DGKB: variants seen among roughly 807,000 people sequenced by gnomAD.
DGKB encodes diacylglycerol kinase beta.
Under a neutral mutation model 114.3 loss-of-function variants are expected in DGKB, and 67 were observed. The ratio of observed to expected loss-of-function variants is 0.59; its 90% CI spans 0.48 to 0.72. The LOEUF is 0.72. Among genes scored for constraint, DGKB ranks in the 30% least tolerant of loss-of-function variants. The pLI, the probability that DGKB is intolerant of heterozygous loss-of-function variation, is 0.00. For synonymous variants in DGKB, 398 were observed against 323.1 expected, an observed-to-expected ratio of 1.23 and a Z score of -2.49; for missense variants, 907 against 975.2, an observed-to-expected ratio of 0.93 and a Z score of 0.93.
In DGKB at chr7:14,245,167, TACACACAC is replaced by T. The variant is rs111929500; in HGVS notation, c.2123-67024_2123-67017del. Among the ~76,000 whole-genome samples, 83 of 149,320 alleles carry T rather than the reference TACACACAC, an allele frequency of 5.6e-4. 1 individual carries two copies. The highest frequency in any genetic ancestry group is 2.0e-3 in the African/African-American group (81 of 40,946). ...TTAGGGAAATGTGCATATGTACACATACACACACACACACACACGCACAAAACACACAC... is the reference window on the plus strand; with the variant it reads ...TTAGGGAAATGTGCATATGTACACATACACACACACGCACAAAACACACAC... On this transcript the variant is annotated intron_variant, in intron 23 of 25. Coordinates refer to ENST00000402815, the MANE Select transcript of DGKB (RefSeq NM_001350709.2).
At chr7:14,680,247 T>G (rs1357861) in intron 12 of DGKB, among the ~76,000 whole-genome samples, 75,795 of 151,636 alleles carry the variant, frequency 0.5, 19,345 homozygotes, top group East Asian at 0.82. Flanking sequence ...AATTTTGAAC[T>G]TGGGGATTTA....
chr7:14,752,089 G>A (rs533656767), intron 4 of DGKB, among the ~76,000 whole-genome samples: 1 of 152,046 alleles, frequency 6.6e-6, no homozygotes, highest in Non-Finnish European at 1.5e-5. Flanking sequence ...TCCAAGATCC[G>A]TTAAGATGAA....
intron 20 of DGKB, among the ~76,000 whole-genome samples, chr7:14,480,874 T>A (rs1182008686): frequency 6.6e-6 from 1 of 152,120 alleles, no homozygotes; most frequent in Non-Finnish European, 1.5e-5. Flanking sequence ...CATATTTTCA[T>A]ACATCTTATA....
chr7:14,973,993 A>C (rs1447262937), intron 1 of DGKB, among the ~76,000 whole-genome samples: 2 of 151,336 alleles, frequency 1.3e-5, no homozygotes, highest in Non-Finnish European at 3.0e-5. Context: ...AAGTGTTATC[A>C]GGAAGGAATT....
intron 23 of DGKB, among the ~76,000 whole-genome samples, chr7:14,285,491 G>T (rs913564327): frequency 2.0e-5 from 3 of 152,098 alleles, no homozygotes; most frequent in African/African-American, 7.2e-5. Context: ...AGACAAAAAA[G>T]CCTAAAATTA....
intron 2 of DGKB, among the ~76,000 whole-genome samples, chr7:14,815,780 AAG>A (rs528162605): frequency 3.6e-4 from 55 of 152,234 alleles, no homozygotes; most frequent in African/African-American, 1.2e-3. Flanking sequence ...GCAGCACAAA[AAG>A]AGGTCATGAG....
At position 14,826,546 on chromosome 7, in the gene DGKB, T is replaced by C. The variant is rs769575972; in HGVS notation, c.70+14648A>G. Among the ~76,000 whole-genome samples the C allele has an allele frequency of 3.9e-5, 6 of 152,222 alleles. No individual in the cohort carries two copies. In the South Asian group the frequency reaches 6.2e-4, roughly 16 times the overall value. On this transcript the variant is annotated intron_variant, in intron 2 of 25. Transcript: ENST00000402815. ...GCTAGTTTGTAGTTTGTTTTTATTA[T>C]AATGATCACCTAAAAGATAATATAT...
At chr7:14,201,268 A>G (rs1785828057) in intron 23 of DGKB, among the ~76,000 whole-genome samples, 1 of 151,026 alleles carries the variant, frequency 6.6e-6, no homozygotes, top group African/African-American at 2.5e-5. Context: ...CCACCCTCAT[A>G]ACTTAATCAA....
intron 20 of DGKB, among the ~76,000 whole-genome samples, chr7:14,554,196 G>A (rs1795545898): frequency 6.6e-6 from 1 of 151,974 alleles, no homozygotes; most frequent in South Asian, 2.1e-4. Flanking sequence ...TTAGGAGACA[G>A]CTAGGTAAAG....
intron 21 of DGKB, among the ~76,000 whole-genome samples, chr7:14,453,298 C>G (rs28413758): frequency 3.9e-4 from 59 of 152,198 alleles, no homozygotes; most frequent in African/African-American, 1.4e-3. Context: ...TTGTCACCAC[C>G]ACAGCCATTT....
intron 20 of DGKB, among the ~76,000 whole-genome samples, chr7:14,502,626 A>G (rs546220844): frequency 2.0e-4 from 31 of 152,190 alleles, no homozygotes; most frequent in African/African-American, 6.5e-4. Context: ...GGAGTCTTAA[A>G]TGTAGTTGAT....
At chr7:14,539,009 T>G (rs538535691) in intron 20 of DGKB, among the ~76,000 whole-genome samples, 1 of 152,152 alleles carries the variant, frequency 6.6e-6, no homozygotes, top group South Asian at 2.1e-4. Context: ...GCTTAGTGAG[T>G]GTAAAGTTTG....
intron 23 of DGKB, among the ~76,000 whole-genome samples, chr7:14,236,304 C>A (rs1270806524): frequency 2.0e-5 from 3 of 151,370 alleles, no homozygotes; most frequent in African/African-American, 7.3e-5. Flanking sequence ...GAAGGCAGAA[C>A]AATTTTCATA....
intron 2 of DGKB, among the ~76,000 whole-genome samples, chr7:14,805,323 G>T (rs967643928): frequency 1.4e-4 from 22 of 152,186 alleles, no homozygotes; most frequent in African/African-American, 5.3e-4. Context: ...CCATTCAATA[G>T]TGAAAGTGGG....
chr7:14,831,683 T>A (rs952031323), intron 2 of DGKB, among the ~76,000 whole-genome samples: 1 of 152,094 alleles, frequency 6.6e-6, no homozygotes, highest in African/African-American at 2.4e-5. Flanking sequence ...GAGTCTCATG[T>A]CTTCTCCTAG....
At chr7:14,892,068 A>G (rs942046149) in intron 1 of DGKB, among the ~76,000 whole-genome samples, 2 of 151,456 alleles carry the variant, frequency 1.3e-5, no homozygotes, top group African/African-American at 4.8e-5. Context: ...TATATTGTAT[A>G]CTAGGTCTTC....
intron 23 of DGKB, among the ~76,000 whole-genome samples, chr7:14,244,081 C>T (rs1794070973): frequency 6.6e-6 from 1 of 151,748 alleles, no homozygotes; most frequent in Non-Finnish European, 1.5e-5. Context: ...AATTTACCTT[C>T]CAGGTGCTTA....
intron 13 of DGKB, among the ~76,000 whole-genome samples, chr7:14,662,080 A>G (rs1398374211): frequency 6.6e-6 from 1 of 152,112 alleles, no homozygotes. Flanking sequence ...GGAGAGGGAT[A>G]TCAATGGGAG....
intron 21 of DGKB, among the ~76,000 whole-genome samples, chr7:14,402,050 T>A (rs1216868718): frequency 6.6e-6 from 1 of 151,668 alleles, no homozygotes; most frequent in African/African-American, 2.4e-5. Context: ...ATGAGAGGGC[T>A]GTGGGGTACT....
Sources: allele counts gnomAD v4.1 joint callset (sites outside exome capture counted in the v4.1 genomes callset), GRCh38; gene constraint gnomAD v4.1.1; transcripts MANE v1.5; gene names NCBI Gene and HGNC (gene_info 2026-07-23, HGNC 2026-07-21).